The following CRYZL1 variants were observed in gnomAD, a reference collection of about 807,000 sequenced individuals.
CRYZL1 encodes the protein ferry endosomal RAB5 effector complex subunit 4.
Under a neutral mutation model 50.6 loss-of-function variants are expected in CRYZL1, and 34 were observed. That is an observed-to-expected ratio of 0.67 (90% CI 0.51 to 0.89). The LOEUF is 0.89. Among genes scored for constraint, CRYZL1 ranks in the 40% least tolerant of loss-of-function variants. The probability of loss-of-function intolerance (pLI) is 0.00; values close to 1 mark genes in which losing one functional copy is unlikely to be tolerated. For synonymous variants in CRYZL1, 125 were observed against 134.3 expected (o/e 0.93, Z 0.48); for missense variants, 354 against 402.3 (o/e 0.88, Z 1.03).
rs1601321789 is a variant in CRYZL1, at chr21:33,590,024, A to G, written c.951-103T>C. ...TAGTGCTCAAATCTATTAGTGTATT[A>G]ATTAATTTTTTGAGACAGAGTCTGG... On this transcript the variant is annotated intron_variant, in intron 12 of 12. Transcript: ENST00000381554. 6.1e-6 allele frequency: 4 copies of G among 651,654 alleles called. No homozygotes were observed. The East Asian group carries it at 1.2e-4, about 19-fold the overall frequency. 40.4% of individuals were successfully genotyped at this position (651,654 alleles called of 1,614,324 possible).
At position 33,595,472 on chromosome 21, in the gene CRYZL1, C is replaced by T. The variant is rs536891992; in HGVS notation, c.904+259G>A. On this transcript the variant is annotated intron_variant, in intron 11 of 12. Transcript: ENST00000381554. Reference sequence around the variant, plus strand: ...GACTGCCTGAGTGTGATTCTTGCTCCGCCACTTGCTGCGTCCTTGAGTCTG... The same window carrying T: ...GACTGCCTGAGTGTGATTCTTGCTCTGCCACTTGCTGCGTCCTTGAGTCTG... 385 of 1,353,412 alleles carry T rather than the reference C, an allele frequency of 2.8e-4. 2 individuals carry two copies. Among genetic ancestry groups the T allele is most frequent in the South Asian group, 2.2e-3 (175 of 80,896 alleles). The allele number at this position is 1,353,412 out of a possible 1,614,324, so 83.8% of individuals were successfully genotyped here.
At chr21:33,592,285 A>G (rs1466619767) in intron 11 of CRYZL1, among the ~76,000 whole-genome samples, 1 of 150,986 alleles carries the variant, frequency 6.6e-6, no homozygotes, top group Non-Finnish European at 1.5e-5. Flanking sequence ...ACAGCAATTC[A>G]CCGCCACACC....
At chr21:33,630,250 C>A (rs2145958050) in intron 2 of CRYZL1, among the ~76,000 whole-genome samples, 1 of 152,126 alleles carries the variant, frequency 6.6e-6, no homozygotes, top group East Asian at 1.9e-4. Context: ...ATTAGTATAG[C>A]CATTATGGAC....
intron 1 of CRYZL1, among the ~76,000 whole-genome samples, chr21:33,637,505 G>A (rs2087222763): frequency 6.6e-6 from 1 of 151,258 alleles, no homozygotes; most frequent in Non-Finnish European, 1.5e-5. Context: ...CAATGCCTGG[G>A]GCTCGGGCTG....
At chr21:33,617,806 C>A (rs1380765662) in intron 4 of CRYZL1, among the ~76,000 whole-genome samples, 1 of 152,014 alleles carries the variant, frequency 6.6e-6, no homozygotes, top group Non-Finnish European at 1.5e-5. Context: ...TTAACCAGGC[C>A]CAGGGCGTGG....
At chr21:33,641,392 T>C in intron 1 of CRYZL1, 4 of 1,451,204 alleles carry the variant, frequency 2.8e-6, no homozygotes, top group Non-Finnish European at 2.7e-6. Context: ...GGAGATTAAG[T>C]GGAAGGGCAC....
At chr21:33,615,172 T>G (rs1278813372) in intron 5 of CRYZL1, among the ~76,000 whole-genome samples, 1 of 96,210 alleles carries the variant, frequency 1.0e-5, no homozygotes, top group Non-Finnish European at 2.2e-5. Flanking sequence ...TTTTTTTTTT[T>G]GGACAAGGTC....
chr21:33,600,421 T>C (rs1215909398), intron 8 of CRYZL1, among the ~76,000 whole-genome samples: 1 of 151,428 alleles, frequency 6.6e-6, no homozygotes, highest in Non-Finnish European at 1.5e-5. Context: ...TTGTATTTCC[T>C]TTCTCTATCT....
intron 1 of CRYZL1, among the ~76,000 whole-genome samples, chr21:33,640,993 T>A (rs1343942357): frequency 6.6e-6 from 1 of 152,202 alleles, no homozygotes; most frequent in Non-Finnish European, 1.5e-5. Flanking sequence ...ATTTCACGTG[T>A]TTCTTTTCAC....
intron 2 of CRYZL1, among the ~76,000 whole-genome samples, chr21:33,626,353 A>G (rs2087062971): frequency 6.6e-6 from 1 of 152,178 alleles, no homozygotes; most frequent in African/African-American, 2.4e-5. Flanking sequence ...GGCTCAACAT[A>G]CCAACGTAAT....
chr21:33,637,598 T>A (rs893550069), intron 1 of CRYZL1, among the ~76,000 whole-genome samples: 2 of 151,776 alleles, frequency 1.3e-5, no homozygotes, highest in African/African-American at 4.8e-5. Flanking sequence ...TTCCTGAAAG[T>A]CCAAACTCCT....
At chr21:33,593,226 C>T (rs1465018691) in intron 11 of CRYZL1, among the ~76,000 whole-genome samples, 1 of 151,894 alleles carries the variant, frequency 6.6e-6, no homozygotes, top group Non-Finnish European at 1.5e-5. Flanking sequence ...CCTGCCTCAG[C>T]CTCCCGAGTA....
In CRYZL1 at chr21:33,591,292, T is replaced by A. The variant is rs2086640714; in HGVS notation, c.905-85A>T. On this transcript the variant is annotated intron_variant, in intron 11 of 12. Transcript: ENST00000381554. ...AAGCAGAGGATGCCAGGCAGGCCACTTTCTCTTGTTTCAAGTTTTGCACTC... is the reference window on the plus strand; with the variant it reads ...AAGCAGAGGATGCCAGGCAGGCCACATTCTCTTGTTTCAAGTTTTGCACTC... The A allele has an allele frequency of 3.7e-6, 4 of 1,070,150 alleles. No homozygotes were observed. The Admixed American group carries it at 7.1e-5, about 19-fold the overall frequency. The allele number at this position is 1,070,150 out of a possible 1,614,324, so 66.3% of individuals were successfully genotyped here.
At chr21:33,612,777 G>A (rs1236602667) in intron 6 of CRYZL1, among the ~76,000 whole-genome samples, 3 of 152,008 alleles carry the variant, frequency 2.0e-5, no homozygotes, top group South Asian at 2.1e-4. Flanking sequence ...AATTAAAAAC[G>A]AATATTTCAG....
At chr21:33,600,653 T>C (rs2086741340) in intron 8 of CRYZL1, among the ~76,000 whole-genome samples, 1 of 149,382 alleles carries the variant, frequency 6.7e-6, no homozygotes, top group African/African-American at 2.5e-5. Flanking sequence ...TGAGATGGAG[T>C]CTCGCTCTGT....
intron 1 of CRYZL1, among the ~76,000 whole-genome samples, chr21:33,636,127 G>A (rs754789620): frequency 2.4e-4 from 37 of 152,238 alleles, no homozygotes; most frequent in Middle Eastern, 3.4e-3. Context: ...CAGAGTGGTG[G>A]CTCACACCTG....
At chr21:33,594,234 A>C (rs182010206) in intron 11 of CRYZL1, among the ~76,000 whole-genome samples, 1 of 150,940 alleles carries the variant, frequency 6.6e-6, no homozygotes, top group African/African-American at 2.4e-5. Context: ...GCTCACTGCA[A>C]CCTTCACTGC....
chr21:33,603,945 C>T (rs1483226522), intron 6 of CRYZL1, among the ~76,000 whole-genome samples: 4 of 152,202 alleles, frequency 2.6e-5, no homozygotes, highest in Admixed American at 6.5e-5. Flanking sequence ...CTCATTAGTA[C>T]GCATTCCTAA....
intron 6 of CRYZL1, among the ~76,000 whole-genome samples, chr21:33,604,549 T>G (rs945375714): frequency 7.3e-5 from 11 of 151,180 alleles, no homozygotes; most frequent in Non-Finnish European, 1.5e-4. Context: ...AAAAAAAAAT[T>G]TCATATTGCC....
Sources: gnomAD v4.1 joint callset for allele counts (sites outside exome capture counted in the v4.1 genomes callset) on GRCh38, gnomAD v4.1.1 for gene constraint, MANE v1.5 for transcripts, NCBI Gene and HGNC (gene_info 2026-07-23, HGNC 2026-07-21) for gene names.